FAM13A: variants seen among roughly 807,000 people sequenced by gnomAD.
FAM13A encodes the protein family with sequence similarity 13 member A, also known as protein FAM13A.
Under a neutral mutation model 129.6 loss-of-function variants are expected in FAM13A, and 76 were observed. That is an observed-to-expected ratio of 0.59 (90% confidence interval 0.49 to 0.71). The LOEUF is 0.71. Ranked by LOEUF, FAM13A falls within the 30% of genes least tolerant of loss-of-function variation. FAM13A has a pLI of 0.00. For missense variants in FAM13A, 1,108 were observed against 1,249.3 expected, an observed-to-expected ratio of 0.89 and a Z score of 1.70; for synonymous variants, 443 against 449.9, an observed-to-expected ratio of 0.98 and a Z score of 0.20.
chr4:88,763,813 A>AT (rs1178739367), intron 13 of FAM13A, among the ~76,000 whole-genome samples: 23 of 152,166 alleles, frequency 1.5e-4, no homozygotes, highest in Admixed American at 1.5e-3. Context: ...AACCATAAAC[A>AT]TTTTTTGTTT....
intron 3 of FAM13A, among the ~76,000 whole-genome samples, chr4:89,002,176 C>CAAAAAAAAAA (rs11370599): frequency 8.6e-6 from 1 of 115,682 alleles, no homozygotes; most frequent in Non-Finnish European, 1.8e-5. Context: ...CACCCAACGG[C>CAAAAAAAAAA]AAAAAAAAAA....
chr4:88,919,739 G>T (rs538644997), intron 5 of FAM13A, among the ~76,000 whole-genome samples: 3 of 152,286 alleles, frequency 2.0e-5, no homozygotes, highest in African/African-American at 7.2e-5. Context: ...CTGAAGCAGG[G>T]CAAGGCATTG....
At chr4:88,913,157 G>C (rs1342759428) in intron 5 of FAM13A, among the ~76,000 whole-genome samples, 182 of 146,328 alleles carry the variant, frequency 1.2e-3, no homozygotes, top group African/African-American at 4.5e-3. Flanking sequence ...AGAAGAGGAG[G>C]AGGAGGAAGA....
At chr4:88,954,654 G>A (rs1237325519) in intron 4 of FAM13A, among the ~76,000 whole-genome samples, 1 of 152,154 alleles carries the variant, frequency 6.6e-6, no homozygotes, top group African/African-American at 2.4e-5. Flanking sequence ...GAGGCCCAAG[G>A]TGGGCAGATT....
chr4:88,833,757 G>T (rs1463504496), intron 7 of FAM13A, among the ~76,000 whole-genome samples: 1 of 151,922 alleles, frequency 6.6e-6, no homozygotes, highest in Non-Finnish European at 1.5e-5. Context: ...GTGGTGGTGG[G>T]TGCCTGTAAT....
intron 16 of FAM13A, 29 bp downstream of exon 16, chr4:88,749,742 C>A (rs531255491): frequency 7.5e-6 from 12 of 1,610,024 alleles, no homozygotes; most frequent in Non-Finnish European, 1.0e-5. Context: ...GAGGATGAGG[C>A]GAAAAGAACA....
intron 6 of FAM13A, among the ~76,000 whole-genome samples, chr4:88,892,897 A>T (rs936541597): frequency 1.2e-4 from 14 of 119,786 alleles, no homozygotes; most frequent in East Asian, 1.1e-3. Flanking sequence ...TGATCATATT[A>T]AAAAAATCTT....
intron 4 of FAM13A, among the ~76,000 whole-genome samples, chr4:88,961,256 C>A (rs1758553262): frequency 6.7e-6 from 1 of 149,876 alleles, no homozygotes; most frequent in Non-Finnish European, 1.5e-5. Context: ...ATAAGTTTAC[C>A]TATAATTAAC....
chr4:88,766,174 G>A (rs1228044785), intron 13 of FAM13A, among the ~76,000 whole-genome samples: 2 of 152,170 alleles, frequency 1.3e-5, no homozygotes, highest in African/African-American at 2.4e-5. Context: ...CTGGCAAAGC[G>A]ATTTTCTTTA....
chr4:89,009,187 GC>G (rs1440598334), intron 3 of FAM13A: 2 of 152,122 alleles, frequency 1.3e-5, no homozygotes, highest in Non-Finnish European at 2.9e-5. Flanking sequence ...AAAACTAAAA[GC>G]TGTTGGAACT....
chr4:88,896,588 C>A (rs570669886), intron 6 of FAM13A, among the ~76,000 whole-genome samples: 37 of 152,272 alleles, frequency 2.4e-4, no homozygotes, highest in African/African-American at 8.2e-4. Context: ...TGTGACATGT[C>A]ATCTCATTAT....
intron 8 of FAM13A, among the ~76,000 whole-genome samples, chr4:88,798,207 T>C (rs556564632): frequency 2.6e-5 from 4 of 152,334 alleles, no homozygotes; most frequent in African/African-American, 9.6e-5. Context: ...TTTATGATTA[T>C]GCTGGAGAAC....
At chr4:88,852,628 C>T (rs548658028) in intron 6 of FAM13A, among the ~76,000 whole-genome samples, 1 of 152,228 alleles carries the variant, frequency 6.6e-6, no homozygotes, top group East Asian at 1.9e-4. Flanking sequence ...ATAGTCTCCT[C>T]CTATTGTTTA....
intron 8 of FAM13A, among the ~76,000 whole-genome samples, chr4:88,802,301 C>A (rs1193785961): frequency 6.6e-6 from 1 of 151,478 alleles, no homozygotes; most frequent in Non-Finnish European, 1.5e-5. Flanking sequence ...AACAATGACA[C>A]CTACTGTTTG....
At chr4:89,046,940 AAG>A (rs1265286674) in intron 1 of FAM13A, among the ~76,000 whole-genome samples, 3 of 152,176 alleles carry the variant, frequency 2.0e-5, no homozygotes, top group African/African-American at 7.2e-5. Context: ...AGAAAGAAAA[AAG>A]AGAAACGGAT....
In FAM13A at chr4:89,057,081, G is replaced by A. The variant is rs1772284212; in HGVS notation, c.-117C>T. 6.5e-7 allele frequency: 1 copy of A among 1,543,702 alleles called. No homozygotes were observed. Among genetic ancestry groups the A allele is most frequent in the East Asian group, 2.3e-5 (1 of 43,270 alleles). On this transcript the variant is annotated 5_prime_UTR_variant, in exon 1 of 24. Coordinates refer to ENST00000264344, the MANE Select transcript of FAM13A (RefSeq NM_014883.4). ...TTTGATGTGAAAAACAGCTCCCAAT[G>A]CAAAGGCCCCAAGGTAAGCGAAGAG...
chr4:89,006,023 A>G (rs1560761479), intron 3 of FAM13A, among the ~76,000 whole-genome samples: 1 of 151,954 alleles, frequency 6.6e-6, no homozygotes, highest in African/African-American at 2.4e-5. Flanking sequence ...GTTGTCTTCC[A>G]GGTTTTTATA....
chr4:88,829,529 A>C (rs868143434), intron 7 of FAM13A, among the ~76,000 whole-genome samples: 1 of 152,226 alleles, frequency 6.6e-6, no homozygotes, highest in Non-Finnish European at 1.5e-5. Context: ...AATTGTAAGG[A>C]CTAAATCTAA....
chr4:88,755,650 C>T (rs995121150), intron 14 of FAM13A, among the ~76,000 whole-genome samples: 3 of 152,130 alleles, frequency 2.0e-5, no homozygotes, highest in Admixed American at 6.5e-5. Context: ...CTTCTTTTGG[C>T]CTCAGTATTC....
Sources: gnomAD v4.1 joint callset for allele counts (sites outside exome capture counted in the v4.1 genomes callset) on GRCh38, gnomAD v4.1.1 for gene constraint, MANE v1.5 for transcripts, NCBI Gene and HGNC (gene_info 2026-07-23, HGNC 2026-07-21) for gene names.